RNPC3: variants seen among roughly 807,000 people sequenced by gnomAD.
The protein encoded by RNPC3 is RNA-binding region-containing protein 3.
Under a neutral mutation model 67.5 loss-of-function variants are expected in RNPC3, and 48 were observed. That is an observed-to-expected ratio of 0.71 (90% CI 0.56 to 0.90). The LOEUF is 0.90. RNPC3 is among the 40% of genes least tolerant of loss of function. The pLI, the probability that RNPC3 is intolerant of heterozygous loss-of-function variation, is 0.00. For missense variants in RNPC3, 637 were observed against 626.1 expected, an observed-to-expected ratio of 1.02 and a Z score of -0.19; for synonymous variants, 239 against 210.3, an observed-to-expected ratio of 1.14 and a Z score of -1.18.
chr1:103,531,828 TTTAA>T (rs1441328448), intron 2 of RNPC3, among the ~76,000 whole-genome samples: 1 of 152,176 alleles, frequency 6.6e-6, no homozygotes, highest in Admixed American at 6.5e-5. Flanking sequence ...AGCTTTTTAG[TTTAA>T]TTAAGTCCCA....
At chr1:103,549,910 C>A (rs1381382239) in intron 12 of RNPC3, among the ~76,000 whole-genome samples, 2 of 151,868 alleles carry the variant, frequency 1.3e-5, no homozygotes, top group African/African-American at 4.9e-5. Flanking sequence ...TGCCTGTAAT[C>A]CTAGCACATT....
chr1:103,551,354 C>T (rs1294271458), intron 13 of RNPC3: 1 of 384,118 alleles, frequency 2.6e-6, no homozygotes, highest in Non-Finnish European at 4.6e-6. Context: ...CTAGAGTATC[C>T]AGAAGTACAT....
intron 14 of RNPC3, chr1:103,552,019 C>T (rs1252626487): frequency 6.2e-6 from 2 of 323,634 alleles, no homozygotes; most frequent in Admixed American, 5.0e-5. Context: ...GGGGAGTGTG[C>T]CTGTTACTCT....
At chr1:103,530,857 C>T (rs144619733) in intron 2 of RNPC3, among the ~76,000 whole-genome samples, 2,687 of 152,146 alleles carry the variant, frequency 0.018, 47 homozygotes, top group Middle Eastern at 0.031. Context: ...TGTATTTATT[C>T]CAGTAGGTTT....
intron 14 of RNPC3, chr1:103,554,792 T>C (rs1212503697): frequency 6.6e-6 from 1 of 152,612 alleles, no homozygotes; most frequent in Admixed American, 6.5e-5. Context: ...TCGGTTATTA[T>C]CACCTTAAAA....
At chr1:103,537,810 A>T (rs576225165) in intron 7 of RNPC3, among the ~76,000 whole-genome samples, 1 of 152,066 alleles carries the variant, frequency 6.6e-6, no homozygotes, top group African/African-American at 2.4e-5. Flanking sequence ...GTGACTTCAA[A>T]ATCAATAATC....
At chr1:103,554,616 G>A (rs2101056494) in intron 14 of RNPC3, 3 of 152,716 alleles carry the variant, frequency 2.0e-5, no homozygotes, top group East Asian at 1.9e-4. Context: ...TTTAAGGACT[G>A]ACCAGTTTAG....
chr1:103,536,172 C>G lies in RNPC3; in HGVS notation c.602C>G (p.Pro201Arg). The G allele has an allele frequency of 6.5e-7, 1 of 1,535,998 alleles. No individual in the cohort carries two copies. Among genetic ancestry groups the G allele is most frequent in the South Asian group, 1.2e-5 (1 of 84,002 alleles). The change falls in exon 6 of 15, where the codon CCA becomes CGA. Residue 201 changes from proline (P) to arginine (R), a missense_variant. Pro to Arg is a moderately radical substitution (Grantham distance 103). This residue lies in a region of RNPC3 where 536 missense variants were observed against 500.3 expected (regional missense o/e 1.07). Transcript: ENST00000423855. ...NKMNLPTPFGPITARPPMYED... is the reference protein window; with the variant it reads ...NKMNLPTPFGRITARPPMYED... ...ATGAATTTGCCCACACCTTTTGGAC[C>G]AATTACTGCGCGACCTCCCATGGTA...
At chr1:103,538,553 A>G (rs1651049284) in intron 7 of RNPC3, among the ~76,000 whole-genome samples, 2 of 152,312 alleles carry the variant, frequency 1.3e-5, no homozygotes, top group South Asian at 4.1e-4. Flanking sequence ...AACACATATC[A>G]AACAAGGTAA....
chr1:103,553,075 A>T (rs947896032), intron 14 of RNPC3, among the ~76,000 whole-genome samples: 3 of 152,142 alleles, frequency 2.0e-5, no homozygotes, highest in Non-Finnish European at 2.9e-5. Flanking sequence ...ATAAGGGAAA[A>T]TTTTGTTTAA....
At chr1:103,541,509 C>A in intron 8 of RNPC3, 34 bp downstream of exon 8, 1 of 1,462,784 alleles carries the variant, frequency 6.8e-7, no homozygotes, top group East Asian at 2.8e-5. Flanking sequence ...TGAGGGTTGT[C>A]TGTATGTACT....
intron 12 of RNPC3, 73 bp downstream of exon 12, chr1:103,547,108 C>T: frequency 1.2e-6 from 1 of 819,326 alleles, no homozygotes; most frequent in Non-Finnish European, 1.8e-6. Context: ...CTATTTTAAT[C>T]CCATCATTTT....
At chr1:103,532,852 A>G (rs1213556932) in intron 2 of RNPC3, among the ~76,000 whole-genome samples, 1 of 152,078 alleles carries the variant, frequency 6.6e-6, no homozygotes, top group East Asian at 1.9e-4. Context: ...AACTTATTAA[A>G]GCATTAACCT....
At chr1:103,551,846 T>A in intron 14 of RNPC3, 54 bp downstream of exon 14, 2 of 987,314 alleles carry the variant, frequency 2.0e-6, no homozygotes, top group Non-Finnish European at 2.9e-6. Flanking sequence ...GAGATAAAAT[T>A]AAGAATAAAA....
intron 2 of RNPC3, among the ~76,000 whole-genome samples, chr1:103,528,722 A>G (rs987299445): frequency 2.0e-5 from 3 of 152,274 alleles, no homozygotes; most frequent in Middle Eastern, 3.4e-3. Flanking sequence ...GAAGAATGGA[A>G]AGATTCTTCA....
intron 12 of RNPC3, among the ~76,000 whole-genome samples, chr1:103,549,538 T>A (rs1421834927): frequency 1.3e-5 from 2 of 152,220 alleles, no homozygotes; most frequent in East Asian, 3.8e-4. Context: ...ATTACTTTAC[T>A]GCATTTTTTG....
intron 12 of RNPC3, among the ~76,000 whole-genome samples, chr1:103,549,703 A>G (rs1651339951): frequency 6.6e-6 from 1 of 152,188 alleles, no homozygotes; most frequent in East Asian, 1.9e-4. Flanking sequence ...AGATCACTAT[A>G]TTAGGAATTT....
chr1:103,539,957 G>A (rs1251972778), intron 7 of RNPC3, among the ~76,000 whole-genome samples: 1 of 152,056 alleles, frequency 6.6e-6, no homozygotes, highest in East Asian at 1.9e-4. Context: ...CAACCTCCCG[G>A]GCTCAAGCAA....
intron 11 of RNPC3, 53 bp downstream of exon 11, chr1:103,546,395 A>T (rs1284705560): frequency 2.4e-5 from 22 of 919,600 alleles, no homozygotes; most frequent in Non-Finnish European, 2.5e-5. Flanking sequence ...TGAAGGTTTT[A>T]TAGTTGATGT....
Sources: allele counts gnomAD v4.1 joint callset (sites outside exome capture counted in the v4.1 genomes callset), GRCh38; gene constraint gnomAD v4.1.1; regional missense constraint gnomAD v4.1.1; transcripts MANE v1.5; gene names NCBI Gene and HGNC (gene_info 2026-07-23, HGNC 2026-07-21).